The following STKLD1 variants were observed in gnomAD, a reference collection of about 807,000 sequenced individuals.
The protein encoded by STKLD1 is serine/threonine kinase-like domain-containing protein STKLD1.
STKLD1 carries 79 observed loss-of-function variants against 80.4 expected under a neutral mutation model. The observed-to-expected ratio is 0.98, with a 90% CI of 0.82 to 1.19. STKLD1 has a LOEUF of 1.19. Ranked by LOEUF, STKLD1 falls within the 50% of genes most tolerant of loss-of-function variation. STKLD1 has a pLI of 0.00. For missense variants in STKLD1, 841 were observed against 856.0 expected, an observed-to-expected ratio of 0.98 and a Z score of 0.22; for synonymous variants, 393 against 357.6, an observed-to-expected ratio of 1.10 and a Z score of -1.12.
At position 133,403,740 on chromosome 9, in the gene STKLD1, C is replaced by G; in HGVS notation, c.1515C>G (p.Asp505Glu). The G allele has an allele frequency of 6.2e-7, 1 of 1,613,864 alleles. No individual in the cohort carries two copies. Among genetic ancestry groups the G allele is most frequent in the Non-Finnish European group, 8.5e-7 (1 of 1,179,972 alleles). The change falls in exon 15 of 18, where the codon GAC becomes GAG. Residue 505 changes from aspartate to glutamate, a missense_variant. Coordinates refer to ENST00000371957, the MANE Select transcript of STKLD1 (RefSeq NM_153710.5). ...AGGCCCCCTTGGAGAAGGTCCCGGA[C>G]CTCATCAGCCAGGTGTTGGCCACCT... is the stretch of plus-strand genomic sequence containing the variant. ...VNKAPLEKVPDLISQVLATYP... is the reference protein window; with the variant it reads ...VNKAPLEKVPELISQVLATYP...
chr9:133,397,932 T>G, intron 10 of STKLD1, 40 bp from the exon 11 acceptor site: 1 of 1,565,898 alleles, frequency 6.4e-7, no homozygotes, highest in Middle Eastern at 1.7e-4. Context: ...GAGGCCCTGG[T>G]CCTCAGAAAG....
chr9:133,403,687 G>A lies in STKLD1; in HGVS notation c.1475-13G>A, dbSNP rs1554778110. 4 of 1,611,294 alleles carry A rather than the reference G, an allele frequency of 2.5e-6. No homozygotes were observed. The highest frequency in any genetic ancestry group is 2.5e-6 in the Non-Finnish European group (3 of 1,178,184). On this transcript the variant is annotated splice_polypyrimidine_tract_variant and intron_variant, in intron 14 of 17. Transcript: ENST00000371957. ...GGCCTGGGTGTCCCCTTCCATCCCTGTCCTCGTTCCAGGTATCATTGTGAA... is the reference window on the plus strand; with the variant it reads ...GGCCTGGGTGTCCCCTTCCATCCCTATCCTCGTTCCAGGTATCATTGTGAA...
intron 14 of STKLD1, 74 bp downstream of exon 14, chr9:133,403,086 A>G: frequency 2.7e-6 from 4 of 1,458,928 alleles, no homozygotes; most frequent in Non-Finnish European, 3.7e-6. Flanking sequence ...TGCCCCTGAG[A>G]GCCTTCGAGG....
Position 133,395,761 on chromosome 9 carries a change from A to C in STKLD1, c.864A>C (p.Ile288=). The stretch of plus-strand genomic sequence containing the variant: ...TCGACCCCTCGGATCGAATAACGAT[A>C]AAGTGAGCTCAGGGTCGGGGTTTAT... ...LQIDPSDRIT[I]KDVVHITFLR... The change falls in exon 9 of 18, where the codon ATA becomes ATC. Residue 288 remains isoleucine (I), a splice_region_variant and synonymous_variant. Coordinates refer to ENST00000371957, the MANE Select transcript of STKLD1 (RefSeq NM_153710.5). 6.2e-7 allele frequency: 1 copy of C among 1,613,256 alleles called. No homozygotes were observed. Among genetic ancestry groups the C allele is most frequent in the East Asian group, 2.2e-5 (1 of 44,884 alleles).
intron 7 of STKLD1, among the ~76,000 whole-genome samples, chr9:133,392,806 G>A (rs1184452689): frequency 1.1e-3 from 117 of 101,746 alleles, no homozygotes; most frequent in Non-Finnish European, 1.7e-3. Context: ...TGGATGGATG[G>A]ATGGATGAGT....
At chr9:133,396,433 G>A (rs1393922053) in intron 9 of STKLD1, among the ~76,000 whole-genome samples, 1 of 151,434 alleles carries the variant, frequency 6.6e-6, no homozygotes, top group Non-Finnish European at 1.5e-5. Context: ...GTGAGACCCT[G>A]TCTCAAAAAC....
Position 133,398,377 on chromosome 9 carries a change from G to A in STKLD1, c.1081+322G>A, listed in dbSNP as rs376954283. Among the ~76,000 whole-genome samples the A allele has an allele frequency of 1.8e-4, 28 of 152,288 alleles. 1 individual carries two copies. The highest frequency in any genetic ancestry group is 6.0e-4 in the African/African-American group (25 of 41,550). ...CCACTATTATGAATGATACTAGAAC[G>A]GACACCCTGGTGTGTATGTATCTGT... On this transcript the variant is annotated intron_variant, in intron 11 of 17. Transcript: ENST00000371957.
At chr9:133,393,191 C>G (rs1368071000) in intron 7 of STKLD1, among the ~76,000 whole-genome samples, 12 of 90,764 alleles carry the variant, frequency 1.3e-4, no homozygotes, top group South Asian at 4.6e-4. Context: ...TGGATGAGTG[C>G]ATGGATGGAT....
intron 1 of STKLD1, 81 bp downstream of exon 1, chr9:133,376,641 C>A: frequency 7.6e-7 from 1 of 1,315,118 alleles, no homozygotes; most frequent in Non-Finnish European, 1.0e-6. Flanking sequence ...GCGGTTCCGA[C>A]CGAGGGCGGC....
At chr9:133,377,871 G>A (rs2130255806) in intron 1 of STKLD1, among the ~76,000 whole-genome samples, 1 of 152,252 alleles carries the variant, frequency 6.6e-6, no homozygotes, top group East Asian at 1.9e-4. Context: ...ATCAGTGGGA[G>A]CCCTGAGCTT....
chr9:133,404,440 C>T (rs782750875), intron 16 of STKLD1, among the ~76,000 whole-genome samples: 12 of 152,342 alleles, frequency 7.9e-5, no homozygotes, highest in South Asian at 4.1e-4. Flanking sequence ...GCACAACCGA[C>T]GCTCGGCCCA....
Position 133,395,513 on chromosome 9 carries a change from C to G in STKLD1, c.703-87C>G. 2.1e-6 allele frequency: 3 copies of G among 1,440,784 alleles called. 1 individual carries two copies. In the Admixed American group the frequency reaches 6.4e-5, roughly 31 times the overall value. The allele number at this position is 1,440,784 out of a possible 1,614,324, so 89.2% of individuals were successfully genotyped here. A position where few individuals can be genotyped will look rare whatever the true frequency, so the allele number is the denominator to read the frequency against. On this transcript the variant is annotated intron_variant, in intron 8 of 17. Transcript: ENST00000371957. ...CTCTCCCTGGTCTCCTCCTGGATTT[C>G]TTGGTCCCTGGTCGTCCCCTGCCCA...
chr9:133,393,480 T>G lies in STKLD1; in HGVS notation c.584-811T>G, dbSNP rs1158437394. On this transcript the variant is annotated intron_variant, in intron 7 of 17. Coordinates refer to ENST00000371957, the MANE Select transcript of STKLD1 (RefSeq NM_153710.5). ...GTGGATGGATGGTTGGGTGGGTAGA[T>G]GGATGGGTGGGTGGGTGCATGTGGA... Among the ~76,000 whole-genome samples, 9 of 105,024 alleles carry G rather than the reference T, an allele frequency of 8.6e-5. No homozygotes were observed. The South Asian group carries it at 2.5e-3, about 29-fold the overall frequency. 68.9% of individuals were successfully genotyped at this position (105,024 alleles called of 152,430 possible).
intron 14 of STKLD1, 112 bp downstream of exon 14, chr9:133,403,124 A>C (rs1588758001): frequency 1.7e-5 from 18 of 1,083,124 alleles, no homozygotes; most frequent in South Asian, 3.5e-5. Context: ...CTAAAACACA[A>C]CAGCCATAGT....
intron 16 of STKLD1, among the ~76,000 whole-genome samples, chr9:133,404,315 C>T (rs1838785522): frequency 1.3e-5 from 2 of 152,208 alleles, no homozygotes; most frequent in African/African-American, 4.8e-5. Flanking sequence ...GGTTTCCTAA[C>T]ATGCAGGCAC....
At position 133,394,887 on chromosome 9, in the gene STKLD1, A is replaced by C. The variant is rs183585932; in HGVS notation, c.702+478A>C. The C allele has an allele frequency of 4.4e-3, 709 of 161,732 alleles. 8 individuals carry two copies. The highest frequency in any genetic ancestry group is 0.016 in the African/African-American group (660 of 41,728). 10.0% of individuals were successfully genotyped at this position (161,732 alleles called of 1,614,324 possible). A position where few individuals can be genotyped will look rare whatever the true frequency, so the allele number is the denominator to read the frequency against. On this transcript the variant is annotated intron_variant, in intron 8 of 17. Transcript: ENST00000371957. This position sits in a 1 kb window ranked among gnomAD's most constrained non-coding sequence, Gnocchi z 4.9. ...CTCTCATCCCTGCTGGGGCCCCTGC[A>C]CCATGGCCACAGCCTGTGGGCAGGA...
rs1190058445 is a variant in STKLD1 at position 133,384,325 on chromosome 9, C to T, written c.219+425C>T. On this transcript the variant is annotated intron_variant, in intron 3 of 17. Transcript: ENST00000371957. This position sits in a 1 kb window ranked among gnomAD's most constrained non-coding sequence, Gnocchi z 4.3. Reference sequence around the variant, plus strand: ...GCATGGTGGTGGGCACCTGTAATCCCAGCTACTTCGAGAGGTTGAGGCGGG... The same window carrying T: ...GCATGGTGGTGGGCACCTGTAATCCTAGCTACTTCGAGAGGTTGAGGCGGG... 2 of 169,968 alleles carry T rather than the reference C, an allele frequency of 1.2e-5. No homozygotes were observed. Among genetic ancestry groups the T allele is most frequent in the Non-Finnish European group, 2.6e-5 (2 of 77,804 alleles). 10.5% of individuals were successfully genotyped at this position (169,968 alleles called of 1,614,324 possible).
In STKLD1 at chr9:133,396,438, AAAAAC is replaced by A. The variant is rs587730131; in HGVS notation, c.866+685_866+689del. 3.5e-3 allele frequency among the ~76,000 whole-genome samples: 539 copies of A among 152,176 alleles called. 3 individuals are homozygous for A. The highest frequency in any genetic ancestry group is 0.012 in the African/African-American group (503 of 41,520). Reference sequence around the variant, plus strand: ...GGGTGACAGAGTGAGACCCTGTCTCAAAAACAAAACAAAAACATATAACAAAGAAT... The same window carrying A: ...GGGTGACAGAGTGAGACCCTGTCTCAAAAACAAAAACATATAACAAAGAAT... On this transcript the variant is annotated intron_variant, in intron 9 of 17. Transcript: ENST00000371957.
Position 133,383,889 on chromosome 9 carries a change from G to A in STKLD1, c.208G>A (p.Ala70Thr), listed in dbSNP as rs990281133. The A allele has an allele frequency of 6.2e-7, 1 of 1,613,866 alleles. No homozygotes were observed. Among genetic ancestry groups the A allele is most frequent in the South Asian group, 1.1e-5 (1 of 91,094 alleles). The change falls in exon 3 of 18, where the codon GCC becomes ACC. Residue 70 changes from alanine to threonine, a missense_variant. Transcript: ENST00000371957. Reference sequence around the variant, plus strand: ...CATGGATGACCATTACGCCAGTCAGGCCCTGGAGGAGGTAACTCTCAGGGT... The same window carrying A: ...CATGGATGACCATTACGCCAGTCAGACCCTGGAGGAGGTAACTCTCAGGGT... Reference protein sequence around the residue: ...ECMDDHYASQALEELMPLLKL... With the variant: ...ECMDDHYASQTLEELMPLLKL...
Sources: gnomAD v4.1 joint callset for allele counts (sites outside exome capture counted in the v4.1 genomes callset) on GRCh38, gnomAD v4.1.1 for gene constraint, Gnocchi (gnomAD v3.1) non-coding constraint, MANE v1.5 for transcripts, NCBI Gene and HGNC (gene_info 2026-07-23, HGNC 2026-07-21) for gene names.